MAF: variants seen among roughly 807,000 people sequenced by gnomAD.
MAF encodes the protein transcription factor Maf.
Under a neutral mutation model 22.0 loss-of-function variants are expected in MAF, and 10 were observed. That is an observed-to-expected ratio of 0.45 (90% confidence interval 0.28 to 0.77). MAF has a LOEUF of 0.77. MAF is among the 30% of genes least tolerant of loss of function. The pLI is 0.12. For synonymous variants in MAF, 337 were observed against 255.8 expected (o/e 1.32, Z -3.03); for missense variants, 544 against 548.4 (o/e 0.99, Z 0.08).
the MAF span, among the ~76,000 whole-genome samples, chr16:79,372,111 C>T: frequency 7.3e-6 from 1 of 137,842 alleles, no homozygotes; most frequent in Non-Finnish European, 1.5e-5. Context: ...ATGCCAGTTT[C>T]AGGCTATAAT....
At chr16:79,322,517 A>C in the MAF span, among the ~76,000 whole-genome samples, 11 of 152,200 alleles carry the variant, frequency 7.2e-5, no homozygotes, top group African/African-American at 2.7e-4. Flanking sequence ...AAAGAGAACA[A>C]AACTATATTA....
At chr16:79,327,199 G>T in the MAF span, among the ~76,000 whole-genome samples, 3 of 152,176 alleles carry the variant, frequency 2.0e-5, no homozygotes, top group African/African-American at 7.2e-5. Flanking sequence ...TTGGGGCAGG[G>T]GCTTTAGGGG....
chr16:79,456,131 C>T, the MAF span, among the ~76,000 whole-genome samples: 1 of 152,272 alleles, frequency 6.6e-6, no homozygotes, highest in Non-Finnish European at 1.5e-5. Flanking sequence ...ATGTCTCTAC[C>T]ATCTGCAATG....
the MAF span, among the ~76,000 whole-genome samples, chr16:79,283,821 A>G: frequency 6.6e-6 from 1 of 152,136 alleles, no homozygotes; most frequent in Non-Finnish European, 1.5e-5. Context: ...GACCTTGGGC[A>G]GATGCACCTG....
At chr16:79,595,068 A>C in intron 1 of MAF, 2 of 1,050,564 alleles carry the variant, frequency 1.9e-6, no homozygotes, top group Non-Finnish European at 2.3e-6. Context: ...TTTTGTTAAA[A>C]GCATTCTCTC....
chr16:79,354,751 G>C, the MAF span, among the ~76,000 whole-genome samples: 6 of 152,154 alleles, frequency 3.9e-5, no homozygotes, highest in Non-Finnish European at 8.8e-5. Context: ...TCTCCACTTT[G>C]AGCGGGATTT....
At chr16:79,575,509 T>C in the MAF span, among the ~76,000 whole-genome samples, 1 of 152,194 alleles carries the variant, frequency 6.6e-6, no homozygotes, top group African/African-American at 2.4e-5. Context: ...CAGCTATCTT[T>C]TCTGAGAATT....
the MAF span, among the ~76,000 whole-genome samples, chr16:79,516,844 GTTCTT>G: frequency 0.84 from 126,799 of 151,572 alleles, 53,309 homozygotes; most frequent in East Asian, 0.92. Flanking sequence ...TCAGGGCCAA[GTTCTT>G]TTCTTAATCT....
At chr16:79,445,117 T>C in the MAF span, among the ~76,000 whole-genome samples, 1 of 151,940 alleles carries the variant, frequency 6.6e-6, no homozygotes, top group Non-Finnish European at 1.5e-5. Context: ...CACTGCAAGC[T>C]CCTCCTCCTG....
chr16:79,305,830 G>C, the MAF span, among the ~76,000 whole-genome samples: 1 of 152,200 alleles, frequency 6.6e-6, no homozygotes, highest in Non-Finnish European at 1.5e-5. Flanking sequence ...GCAGAAGGGA[G>C]AATCACGTTG....
the MAF span, among the ~76,000 whole-genome samples, chr16:79,408,510 T>G: frequency 1.3e-5 from 2 of 152,150 alleles, no homozygotes; most frequent in Non-Finnish European, 2.9e-5. Context: ...TCTCATTGAC[T>G]TTTAATAAGT....
the MAF span, among the ~76,000 whole-genome samples, chr16:79,225,882 G>T: frequency 7.2e-5 from 11 of 152,326 alleles, no homozygotes; most frequent in Admixed American, 1.3e-4. Flanking sequence ...GGAAAGAACA[G>T]ATGCTGGAGA....
At chr16:79,527,873 G>C in the MAF span, among the ~76,000 whole-genome samples, 1 of 152,142 alleles carries the variant, frequency 6.6e-6, no homozygotes, top group Non-Finnish European at 1.5e-5. Flanking sequence ...TTGGCATGGT[G>C]GCTCACACCT....
chr16:79,379,203 G>A, the MAF span, among the ~76,000 whole-genome samples: 392 of 152,204 alleles, frequency 2.6e-3, 3 homozygotes, highest in African/African-American at 9.0e-3. Flanking sequence ...CTCTCATCTT[G>A]CCTGTCAACC....
At chr16:79,252,461 T>C in the MAF span, among the ~76,000 whole-genome samples, 1 of 152,144 alleles carries the variant, frequency 6.6e-6, no homozygotes, top group Admixed American at 6.5e-5. Context: ...TGATCCCTGC[T>C]ATAAAGATTG....
the MAF span, among the ~76,000 whole-genome samples, chr16:79,550,873 T>C: frequency 6.6e-6 from 1 of 152,116 alleles, no homozygotes; most frequent in Non-Finnish European, 1.5e-5. Context: ...TTGGCACAGA[T>C]GGCTCACGAA....
the MAF span, among the ~76,000 whole-genome samples, chr16:79,207,275 G>A: frequency 2.6e-5 from 4 of 152,240 alleles, no homozygotes; most frequent in African/African-American, 9.6e-5. Context: ...TATTTGCTTT[G>A]TCCAACAGAC....
chr16:79,569,022 A>G, the MAF span, among the ~76,000 whole-genome samples: 1 of 152,310 alleles, frequency 6.6e-6, no homozygotes, highest in East Asian at 1.9e-4. Context: ...AAGCATGTCT[A>G]CCATGTACTG....
chr16:79,224,762 T>C, the MAF span, among the ~76,000 whole-genome samples: 1 of 152,152 alleles, frequency 6.6e-6, no homozygotes, highest in Non-Finnish European at 1.5e-5. Context: ...CTATTCACAA[T>C]TGCTACAAAG....
Sources: gnomAD v4.1 joint callset for allele counts (sites outside exome capture counted in the v4.1 genomes callset) on GRCh38, gnomAD v4.1.1 for gene constraint, MANE v1.5 for transcripts, NCBI Gene and HGNC (gene_info 2026-07-23, HGNC 2026-07-21) for gene names.